Variants in LCLAT1 observed in about 807,000 individuals in gnomAD.
LCLAT1 encodes the protein lysocardiolipin acyltransferase 1.
Under a neutral mutation model 30.7 loss-of-function variants are expected in LCLAT1, and 11 were observed. That is an observed-to-expected ratio of 0.36 (90% CI 0.23 to 0.59). The LOEUF is 0.59. LCLAT1 is among the 20% of genes least tolerant of loss of function. The probability of loss-of-function intolerance (pLI) is 0.77; values close to 1 mark genes in which losing one functional copy is unlikely to be tolerated. For missense variants in LCLAT1, 402 were observed against 458.6 expected, an observed-to-expected ratio of 0.88 and a Z score of 1.13; for synonymous variants, 155 against 151.3, an observed-to-expected ratio of 1.02 and a Z score of -0.18.
intron 1 of LCLAT1, among the ~76,000 whole-genome samples, chr2:30,467,876 C>T (rs1682530076): frequency 6.6e-6 from 1 of 152,090 alleles, no homozygotes; most frequent in Non-Finnish European, 1.5e-5. Flanking sequence ...AAATTGTCTC[C>T]CATTCTGTAA....
In LCLAT1 at chr2:30,562,645, A is replaced by T. The variant is rs76863070; in HGVS notation, c.511+353A>T. On this transcript the variant is annotated intron_variant, in intron 4 of 5. Transcript: ENST00000379509. ...GTAGGCAACTCCAAGCGGTCATATT[A>T]TTCATACTTGCCATCTTTGAACTTT... is the stretch of plus-strand genomic sequence containing the variant. Among the ~76,000 whole-genome samples the T allele has an allele frequency of 3.6e-3, 541 of 152,304 alleles. 1 individual carries two copies. The highest frequency in any genetic ancestry group is 0.011 in the African/African-American group (469 of 41,566).
chr2:30,491,179 G>C (rs918701385), intron 1 of LCLAT1, among the ~76,000 whole-genome samples: 16 of 152,268 alleles, frequency 1.1e-4, no homozygotes, highest in Middle Eastern at 3.4e-3. Flanking sequence ...ACAGAAGACA[G>C]TATGTATCTG....
chr2:30,636,448 C>G (rs1669029396), intron 5 of LCLAT1, among the ~76,000 whole-genome samples: 1 of 152,174 alleles, frequency 6.6e-6, no homozygotes, highest in East Asian at 1.9e-4. Context: ...TCACAACAAC[C>G]TTCTTAGGTA....
rs1299841260 is a variant in LCLAT1, at chr2:30,641,359, T to C, written c.*740T>C. 6.6e-6 allele frequency: 1 copy of C among 152,208 alleles called. No individual in the cohort carries two copies. Among genetic ancestry groups the C allele is most frequent in the East Asian group, 1.9e-4 (1 of 5,194 alleles). 9.4% of individuals were successfully genotyped at this position (152,208 alleles called of 1,614,324 possible). A position where few individuals can be genotyped will look rare whatever the true frequency, so the allele number is the denominator to read the frequency against. The stretch of plus-strand genomic sequence containing the variant: ...TAAGTTCCTTTCTCACACTCAGTAT[T>C]GCATGCTTAGTGCTGGTTTTCTTAC... On this transcript the variant is annotated 3_prime_UTR_variant, in exon 6 of 6. Coordinates refer to ENST00000379509, the MANE Select transcript of LCLAT1 (RefSeq NM_001002257.3).
rs1683072741 is a variant in LCLAT1 at position 30,476,879 on chromosome 2, T to C, written c.-5+29496T>C. On this transcript the variant is annotated intron_variant, in intron 1 of 5. Transcript: ENST00000379509. ...TCTGTATTAAGCTAGCTCAAATTAC[T>C]TTTGGATACCTCTTTACACTGTCAT... 2.0e-5 allele frequency among the ~76,000 whole-genome samples: 3 copies of C among 152,182 alleles called. No homozygotes were observed. The South Asian group carries it at 6.2e-4, about 32-fold the overall frequency.
intron 5 of LCLAT1, among the ~76,000 whole-genome samples, chr2:30,608,872 T>C (rs1193455167): frequency 6.6e-6 from 1 of 152,160 alleles, no homozygotes; most frequent in East Asian, 1.9e-4. Flanking sequence ...GTAACCTTAA[T>C]TTGACCAGCC....
At chr2:30,576,574 C>G (rs942600406) in intron 5 of LCLAT1, among the ~76,000 whole-genome samples, 3 of 152,012 alleles carry the variant, frequency 2.0e-5, no homozygotes, top group Non-Finnish European at 4.4e-5. Flanking sequence ...AGATTTTGAC[C>G]TGAGTCTAAA....
At chr2:30,601,076 A>T (rs1484198444) in intron 5 of LCLAT1, among the ~76,000 whole-genome samples, 1 of 152,092 alleles carries the variant, frequency 6.6e-6, no homozygotes. Flanking sequence ...TGATCTATTC[A>T]GTTATTGATA....
chr2:30,551,547 T>C (rs1664679638), intron 3 of LCLAT1, among the ~76,000 whole-genome samples: 1 of 152,206 alleles, frequency 6.6e-6, no homozygotes, highest in South Asian at 2.1e-4. Context: ...TTGCAGCTTA[T>C]ACTACAAATA....
chr2:30,547,809 C>T (rs192588916), intron 3 of LCLAT1, among the ~76,000 whole-genome samples: 325 of 152,136 alleles, frequency 2.1e-3, no homozygotes, highest in Non-Finnish European at 3.6e-3. Flanking sequence ...GTTTATATGA[C>T]TTTTAGATTG....
intron 3 of LCLAT1, among the ~76,000 whole-genome samples, chr2:30,541,222 C>CT (rs1664121809): frequency 6.6e-6 from 1 of 151,988 alleles, no homozygotes; most frequent in Non-Finnish European, 1.5e-5. Context: ...TTCCATCATG[C>CT]TTTTATGGTT....
intron 1 of LCLAT1, among the ~76,000 whole-genome samples, chr2:30,511,269 C>T (rs925267856): frequency 2.6e-5 from 4 of 152,122 alleles, no homozygotes; most frequent in African/African-American, 7.2e-5. Flanking sequence ...ACCGCCTCGG[C>T]CTCCCAAAGT....
chr2:30,613,083 G>A (rs1667819548), intron 5 of LCLAT1, among the ~76,000 whole-genome samples: 1 of 152,148 alleles, frequency 6.6e-6, no homozygotes, highest in South Asian at 2.1e-4. Context: ...ACGTGCCTGA[G>A]ATGAGAATGT....
At chr2:30,622,152 G>A (rs185823946) in intron 5 of LCLAT1, among the ~76,000 whole-genome samples, 28 of 152,142 alleles carry the variant, frequency 1.8e-4, no homozygotes, top group Middle Eastern at 3.4e-3. Context: ...GTTCCCTGGC[G>A]ACCTGTGTGA....
chr2:30,631,588 A>AAT (rs373295152), intron 5 of LCLAT1, among the ~76,000 whole-genome samples: 58 of 152,328 alleles, frequency 3.8e-4, no homozygotes, highest in African/African-American at 1.3e-3. Context: ...AGTAGAGGTC[A>AAT]ATGTTTATCA....
intron 1 of LCLAT1, among the ~76,000 whole-genome samples, chr2:30,516,571 C>A (rs974646764): frequency 2.0e-5 from 3 of 152,158 alleles, no homozygotes; most frequent in African/African-American, 7.2e-5. Context: ...TATAACACTC[C>A]CCTCGTGGCC....
In LCLAT1 at chr2:30,562,138, G is replaced by T; in HGVS notation, c.365-8G>T. 1.3e-6 allele frequency: 2 copies of T among 1,583,578 alleles called. No individual in the cohort carries two copies. The highest frequency in any genetic ancestry group is 2.3e-5 in the South Asian group (2 of 86,470). On this transcript the variant is annotated splice_region_variant and splice_polypyrimidine_tract_variant and intron_variant, in intron 3 of 5. Transcript: ENST00000379509. ...TATAGGTAAATTTTATTGTTAAATTGATTCTAGGTTGGGCCATGCAGGCTG... is the reference window on the plus strand; with the variant it reads ...TATAGGTAAATTTTATTGTTAAATTTATTCTAGGTTGGGCCATGCAGGCTG...
rs114957062 is a variant in LCLAT1 at position 30,565,692 on chromosome 2, G to A, written c.512-2368G>A. ...TTATCCCTACTCTCACGAAGTTTAC[G>A]TTCTGTGAGGAAAGACAGATGATAA... is the stretch of plus-strand genomic sequence containing the variant. On this transcript the variant is annotated intron_variant, in intron 4 of 5. Transcript: ENST00000379509. Among the ~76,000 whole-genome samples the A allele has an allele frequency of 9.6e-3, 1,464 of 152,152 alleles. 20 individuals are homozygous for A. Among genetic ancestry groups the A allele is most frequent in the African/African-American group, 0.033 (1,355 of 41,508 alleles).
At chr2:30,528,031 A>T (rs989414675) in intron 2 of LCLAT1, among the ~76,000 whole-genome samples, 1 of 152,136 alleles carries the variant, frequency 6.6e-6, no homozygotes, top group Non-Finnish European at 1.5e-5. Context: ...GCCTGGTATA[A>T]TGTCCTCTTG....
Sources: allele counts gnomAD v4.1 joint callset (sites outside exome capture counted in the v4.1 genomes callset), GRCh38; gene constraint gnomAD v4.1.1; transcripts MANE v1.5; gene names NCBI Gene and HGNC (gene_info 2026-07-23, HGNC 2026-07-21).